Variants in NAA25 observed in about 807,000 individuals in gnomAD.
NAA25 encodes N-alpha-acetyltransferase 25, NatB auxiliary subunit.
NAA25 carries 30 observed loss-of-function variants against 132.5 expected under a neutral mutation model. The observed-to-expected ratio is 0.23, with a 90% confidence interval of 0.17 to 0.31. NAA25 has a LOEUF of 0.31. Among genes scored for constraint, NAA25 ranks in the 10% least tolerant of loss-of-function variants. NAA25 has a pLI of 1.00. For synonymous variants in NAA25, 359 were observed against 401.9 expected (o/e 0.89, Z 1.28); for missense variants, 771 against 1,150.4 (o/e 0.67, Z 4.77).
chr12:112,053,585 G>C lies in NAA25; in HGVS notation c.1701C>G (p.Leu567=), dbSNP rs2078498771. 1 of 1,607,602 alleles carries C rather than the reference G, an allele frequency of 6.2e-7. No homozygotes were observed. The highest frequency in any genetic ancestry group is 1.1e-5 in the South Asian group (1 of 90,046). ...AAASQSCNFA[L]RFFHSNQKDT... ...CTTTCTGGTTGGAGTGAAAAAACCT[G>C]AGTGCGAAGTTACAGGATTGGGACG... Residue 567 remains leucine (L), a synonymous_variant, in exon 15 of 24, where the codon CTC becomes CTG. Transcript: ENST00000261745.
At chr12:112,099,691 A>ACACATGCAGGCCTGCTGTC (rs2079264260) in intron 1 of NAA25, among the ~76,000 whole-genome samples, 1 of 152,164 alleles carries the variant, frequency 6.6e-6, no homozygotes, top group South Asian at 2.1e-4. Flanking sequence ...GCAGGCCTGG[A>ACACATGCAGGCCTGCTGTC]CACATGCAGG....
intron 21 of NAA25, 75 bp downstream of exon 21, chr12:112,040,406 T>G: frequency 1.2e-6 from 1 of 845,394 alleles, no homozygotes; most frequent in Non-Finnish European, 1.9e-6. Context: ...GCCTATTACC[T>G]GTTCACTGTT....
chr12:112,037,009 C>G (rs551161471), intron 22 of NAA25, among the ~76,000 whole-genome samples: 7 of 151,836 alleles, frequency 4.6e-5, no homozygotes, highest in African/African-American at 1.4e-4. Flanking sequence ...GAAATTCATT[C>G]CCCAGAAAGG....
At chr12:112,067,204 C>CA (rs962931378) in intron 11 of NAA25, among the ~76,000 whole-genome samples, 11 of 148,330 alleles carry the variant, frequency 7.4e-5, no homozygotes, top group South Asian at 4.3e-4. Flanking sequence ...GACTCCGTCT[C>CA]AAAAAAAAAG....
chr12:112,103,650 G>A (rs923298362), intron 1 of NAA25, among the ~76,000 whole-genome samples: 6 of 152,146 alleles, frequency 3.9e-5, no homozygotes, highest in Non-Finnish European at 7.3e-5. Flanking sequence ...TCCAAGAGGA[G>A]GTCAGAATAA....
At chr12:112,040,214 C>A in intron 21 of NAA25, 2 of 286,686 alleles carry the variant, frequency 7.0e-6, no homozygotes, top group Non-Finnish European at 6.4e-6. Context: ...ATGAAAACAG[C>A]TAGATTTGAG....
At chr12:112,069,826 A>C (rs1418261964) in intron 10 of NAA25, among the ~76,000 whole-genome samples, 1 of 150,030 alleles carries the variant, frequency 6.7e-6, no homozygotes, top group African/African-American at 2.5e-5. Context: ...TCTCAAAAAA[A>C]AAAACAAAAC....
rs537489843 is a variant in NAA25 at position 112,049,521 on chromosome 12, C to T, written c.1729-1078G>A. 175 of 985,730 alleles carry T rather than the reference C, an allele frequency of 1.8e-4. No homozygotes were observed. Among genetic ancestry groups the T allele is most frequent in the Non-Finnish European group, 2.0e-4 (167 of 829,962 alleles). The allele number at this position is 985,730 out of a possible 1,614,324, so 61.1% of individuals were successfully genotyped here. Reference sequence around the variant, plus strand: ...GCCTTGCAGGGTTCATTTCAGGCCGCGGGATTGCGCCACGGGCGCTAATTC... The same window carrying T: ...GCCTTGCAGGGTTCATTTCAGGCCGTGGGATTGCGCCACGGGCGCTAATTC... On this transcript the variant is annotated intron_variant, in intron 15 of 23. Transcript: ENST00000261745. This position sits in a 1 kb window ranked among gnomAD's most constrained non-coding sequence, Gnocchi z 4.7.
At chr12:112,108,550 G>A (rs1433906980) in intron 1 of NAA25, among the ~76,000 whole-genome samples, 166 bp downstream of exon 1, 1 of 151,682 alleles carries the variant, frequency 6.6e-6, no homozygotes, top group African/African-American at 2.4e-5. Context: ...GGTTGGGCCG[G>A]CGCCTACGCG....
rs375793508 is a variant in NAA25 at position 112,043,673 on chromosome 12, C to G, written c.2202G>C (p.Leu734=). 14 of 1,614,154 alleles carry G rather than the reference C, an allele frequency of 8.7e-6. No homozygotes were observed. Among genetic ancestry groups the G allele is most frequent in the Non-Finnish European group, 1.2e-5 (14 of 1,180,038 alleles). The change falls in exon 18 of 24, where the codon CTG becomes CTC. Residue 734 remains leucine, a synonymous_variant. Coordinates refer to ENST00000261745, the MANE Select transcript of NAA25 (RefSeq NM_024953.4). Reference sequence around the variant, plus strand: ...GCTTTCCTGTCTCCAGGGTTGCCTCCAGCTGTTGAAGGAGCAAACGAAGAA... The same window carrying G: ...GCTTTCCTGTCTCCAGGGTTGCCTCGAGCTGTTGAAGGAGCAAACGAAGAA... ...IDILRLLLQQ[L]EATLETGKRF...
At chr12:112,050,514 C>CT (rs751821445) in intron 15 of NAA25, among the ~76,000 whole-genome samples, 222 of 143,234 alleles carry the variant, frequency 1.5e-3, no homozygotes, top group African/African-American at 1.7e-3. Flanking sequence ...CTTTTATTTA[C>CT]TTTTTTTTTT....
chr12:112,045,203 C>T (rs115082586), intron 17 of NAA25, among the ~76,000 whole-genome samples: 4 of 152,102 alleles, frequency 2.6e-5, no homozygotes, highest in African/African-American at 4.8e-5. Flanking sequence ...CTAAAAATAG[C>T]GGGTGTGGCC....
At chr12:112,041,947 G>A in intron 20 of NAA25, 92 bp downstream of exon 20, 1 of 702,666 alleles carries the variant, frequency 1.4e-6, no homozygotes, top group Non-Finnish European at 2.3e-6. Context: ...ACTTATCTCT[G>A]GGTGATTGGG....
chr12:112,107,654 A>G (rs1223302338), intron 1 of NAA25, among the ~76,000 whole-genome samples: 1 of 152,156 alleles, frequency 6.6e-6, no homozygotes, highest in Non-Finnish European at 1.5e-5. Context: ...CCCGCTCCCA[A>G]AACGATTCCC....
At position 112,047,767 on chromosome 12, in the gene NAA25, A is replaced by C. The variant is rs1566003300; in HGVS notation, c.1904T>G (p.Ile635Arg). The change falls in exon 17 of 24, where the codon ATA becomes AGA. Residue 635 changes from isoleucine to arginine, a missense_variant. Physicochemically the swap from Ile to Arg is moderately conservative, Grantham distance 97 (BLOSUM62 -3). This residue lies in a region of NAA25 where 324 missense variants were observed against 400.0 expected (regional missense o/e 0.81). Transcript: ENST00000261745. ...TTCTGGCCTAAGGTTCATTGACTTTATACTTTCTGCTAAACTGGTTGATCT... is the reference window on the plus strand; with the variant it reads ...TTCTGGCCTAAGGTTCATTGACTTTCTACTTTCTGCTAAACTGGTTGATCT... Reference protein sequence around the residue: ...ANISTSLAESIKSMNLRPEED... With the variant: ...ANISTSLAESRKSMNLRPEED... 1 of 1,612,204 alleles carries C rather than the reference A, an allele frequency of 6.2e-7. No individual in the cohort carries two copies. Among genetic ancestry groups the C allele is most frequent in the Non-Finnish European group, 8.5e-7 (1 of 1,179,418 alleles).
intron 5 of NAA25, among the ~76,000 whole-genome samples, chr12:112,079,080 A>G (rs972010120): frequency 2.0e-5 from 3 of 152,194 alleles, no homozygotes; most frequent in African/African-American, 7.2e-5. Context: ...TGAAGAGGAA[A>G]GCCTTCCAGG....
chr12:112,039,152 T>C, intron 22 of NAA25, 77 bp downstream of exon 22: 2 of 880,230 alleles, frequency 2.3e-6, no homozygotes, highest in Non-Finnish European at 3.4e-6. Flanking sequence ...GGACTCAACA[T>C]GGAGGAAAAC....
At position 112,054,490 on chromosome 12, in the gene NAA25, T is replaced by C. The variant is rs2078515178; in HGVS notation, c.1526A>G (p.Lys509Arg). 3 of 1,614,040 alleles carry C rather than the reference T, an allele frequency of 1.9e-6. No homozygotes were observed. The highest frequency in any genetic ancestry group is 2.5e-6 in the Non-Finnish European group (3 of 1,180,022). The change falls in exon 14 of 24, where the codon AAA becomes AGA. Residue 509 changes from lysine (K) to arginine (R), a missense_variant. Around this residue, in one of 3 missense-constraint regions of NAA25, gnomAD observed 417 missense variants for 733.8 expected, o/e 0.57. Coordinates refer to ENST00000261745, the MANE Select transcript of NAA25 (RefSeq NM_024953.4). ...ACAGTAGATTCGAACAAGCAGCAAT[T>C]TGAACTGAGCATTGGAAGGGCTATG... ...LTHSPSNAQF[K>R]LLLVRIYCML...
rs188006696 is a variant in NAA25, at chr12:112,049,860, A to G, written c.1729-1417T>C. Among the ~76,000 whole-genome samples, 10 of 151,126 alleles carry G rather than the reference A, an allele frequency of 6.6e-5. No individual in the cohort carries two copies. Among genetic ancestry groups the G allele is most frequent in the South Asian group, 2.1e-4 (1 of 4,780 alleles). ...TTGTAATAGGAACTTACAGCTGGGG[A>G]AAAAAAAACAGCTGGTTAGGAACAC... On this transcript the variant is annotated intron_variant, in intron 15 of 23. Coordinates refer to ENST00000261745, the MANE Select transcript of NAA25 (RefSeq NM_024953.4). The surrounding 1 kb of genome is among the most constrained non-coding windows in gnomAD (Gnocchi z 4.7).
Sources: gnomAD v4.1 joint callset for allele counts (sites outside exome capture counted in the v4.1 genomes callset) on GRCh38, gnomAD v4.1.1 for gene constraint, gnomAD v4.1.1 regional missense constraint, Gnocchi (gnomAD v3.1) non-coding constraint, MANE v1.5 for transcripts, NCBI Gene and HGNC (gene_info 2026-07-23, HGNC 2026-07-21) for gene names.